Variants in NTM observed in about 807,000 individuals in gnomAD.
The protein encoded by NTM is IgLON family member 2.
In NTM, 13 loss-of-function variants were observed where a neutral mutation model predicts 42.1. The observed-to-expected ratio is 0.31, with a 90% CI of 0.20 to 0.49. The LOEUF (loss-of-function observed/expected upper bound fraction) is 0.49. Among genes scored for constraint, NTM ranks in the 20% least tolerant of loss-of-function variants. The pLI is 0.99. For missense variants in NTM, 373 were observed against 452.8 expected (o/e 0.82, Z 1.60); for synonymous variants, 187 against 179.2 (o/e 1.04, Z -0.35).
At chr11:131,896,327 A>G (rs2052262544) in intron 1 of NTM, among the ~76,000 whole-genome samples, 1 of 152,232 alleles carries the variant, frequency 6.6e-6, no homozygotes, top group African/African-American at 2.4e-5. Flanking sequence ...AAATAAATAG[A>G]AAATGATTGA....
At chr11:131,456,588 T>C (rs756357720) in intron 1 of NTM, among the ~76,000 whole-genome samples, 2 of 152,012 alleles carry the variant, frequency 1.3e-5, no homozygotes, top group Non-Finnish European at 2.9e-5. Flanking sequence ...AAGAGGGGGT[T>C]CAGCTCAGCT....
intron 1 of NTM, among the ~76,000 whole-genome samples, chr11:131,818,702 G>A (rs752022020): frequency 2.0e-5 from 3 of 152,038 alleles, no homozygotes; most frequent in South Asian, 2.1e-4. Context: ...AGGCCTTATC[G>A]GTGGCTGGAG....
intron 1 of NTM, among the ~76,000 whole-genome samples, chr11:131,833,036 G>C (rs1306946813): frequency 6.6e-6 from 1 of 152,110 alleles, no homozygotes; most frequent in East Asian, 1.9e-4. Flanking sequence ...ATAAAATAAA[G>C]TTTTTCTCTA....
At chr11:131,827,430 G>A (rs112766091) in intron 1 of NTM, among the ~76,000 whole-genome samples, 2 of 152,192 alleles carry the variant, frequency 1.3e-5, no homozygotes, top group African/African-American at 2.4e-5. Flanking sequence ...GTGGCTGACT[G>A]TTATGGAGAA....
In NTM at chr11:132,335,254, A is replaced by G; in HGVS notation, c.*108A>G. 1 of 1,204,038 alleles carries G rather than the reference A, an allele frequency of 8.3e-7. No individual in the cohort carries two copies. Among genetic ancestry groups the G allele is most frequent in the Non-Finnish European group, 1.1e-6 (1 of 871,884 alleles). 74.6% of individuals were successfully genotyped at this position (1,204,038 alleles called of 1,614,324 possible). A position where few individuals can be genotyped will look rare whatever the true frequency, so the allele number is the denominator to read the frequency against. On this transcript the variant is annotated 3_prime_UTR_variant, in exon 9 of 9. Transcript: ENST00000683400. ...CAATCAGATATATACAAATGAAATT[A>G]GAAGAAACACAGCCTCATGGGACAG...
chr11:131,644,474 G>T (rs192586060), intron 1 of NTM, among the ~76,000 whole-genome samples: 280 of 152,234 alleles, frequency 1.8e-3, no homozygotes, highest in African/African-American at 6.3e-3. Flanking sequence ...CCAGCAAACC[G>T]TACCAACGAA....
chr11:131,399,280 A>G (rs748226600), intron 1 of NTM, among the ~76,000 whole-genome samples: 3 of 152,202 alleles, frequency 2.0e-5, no homozygotes, highest in Non-Finnish European at 4.4e-5. Context: ...TTACAGGGAT[A>G]GCAAGCATGG....
chr11:132,203,991 G>C (rs138438943), intron 3 of NTM, among the ~76,000 whole-genome samples: 1 of 152,062 alleles, frequency 6.6e-6, no homozygotes, highest in Non-Finnish European at 1.5e-5. Context: ...TCTGAGTATC[G>C]GTATCCTCAT....
At chr11:132,268,934 G>C (rs2044726) in intron 4 of NTM, among the ~76,000 whole-genome samples, 2 of 151,672 alleles carry the variant, frequency 1.3e-5, no homozygotes, top group African/African-American at 2.4e-5. Flanking sequence ...ACCCAGACAT[G>C]GTCAGTCATG....
chr11:131,410,530 A>C (rs1268227693), intron 1 of NTM, among the ~76,000 whole-genome samples: 1 of 148,708 alleles, frequency 6.7e-6, no homozygotes, highest in Non-Finnish European at 1.5e-5. Context: ...AAAAAAAAAA[A>C]AAAAAAAAAA....
At chr11:132,156,582 C>T (rs569911325) in intron 3 of NTM, among the ~76,000 whole-genome samples, 1 of 152,344 alleles carries the variant, frequency 6.6e-6, no homozygotes, top group South Asian at 2.1e-4. Context: ...CTTGTGCATT[C>T]TATCCCCAGT....
chr11:131,418,967 G>T (rs1241511680), intron 1 of NTM, among the ~76,000 whole-genome samples: 1 of 152,066 alleles, frequency 6.6e-6, no homozygotes, highest in Non-Finnish European at 1.5e-5. Flanking sequence ...AATCACCAAG[G>T]TACGCACTTA....
intron 1 of NTM, among the ~76,000 whole-genome samples, chr11:131,666,465 C>T (rs144707309): frequency 7.9e-4 from 120 of 152,250 alleles, no homozygotes; most frequent in Non-Finnish European, 1.2e-3. Flanking sequence ...CAAGGCGTTG[C>T]GAGGGCAGGA....
At chr11:131,878,707 C>G (rs967859295) in intron 1 of NTM, among the ~76,000 whole-genome samples, 2 of 146,782 alleles carry the variant, frequency 1.4e-5, no homozygotes, top group African/African-American at 5.1e-5. Flanking sequence ...TGCACTACCT[C>G]TCTGTCATAG....
intron 1 of NTM, among the ~76,000 whole-genome samples, chr11:131,507,295 A>G (rs2047604651): frequency 6.6e-6 from 1 of 151,772 alleles, no homozygotes; most frequent in Non-Finnish European, 1.5e-5. Flanking sequence ...TTTTCCCAGC[A>G]CCATTTATTA....
At chr11:132,132,219 G>A (rs951010548) in intron 2 of NTM, among the ~76,000 whole-genome samples, 1 of 152,114 alleles carries the variant, frequency 6.6e-6, no homozygotes, top group Non-Finnish European at 1.5e-5. Flanking sequence ...ACCAGGGTGG[G>A]AACTACAGCA....
chr11:131,629,343 C>T (rs554503922), intron 1 of NTM, among the ~76,000 whole-genome samples: 1 of 152,120 alleles, frequency 6.6e-6, no homozygotes, highest in East Asian at 1.9e-4. Context: ...TGGAGTCAGG[C>T]TTTGACCTGA....
intron 1 of NTM, among the ~76,000 whole-genome samples, chr11:131,749,607 G>C (rs1226567584): frequency 1.3e-5 from 2 of 152,016 alleles, no homozygotes. Context: ...GTTTTCTTTT[G>C]TTTTGTTTGA....
intron 4 of NTM, among the ~76,000 whole-genome samples, chr11:132,263,443 G>A (rs919122893): frequency 2.0e-5 from 3 of 152,144 alleles, no homozygotes; most frequent in African/African-American, 7.2e-5. Context: ...CTCCTGCTAG[G>A]TCAGCTGATT....
Sources: gnomAD v4.1 joint callset for allele counts (sites outside exome capture counted in the v4.1 genomes callset) on GRCh38, gnomAD v4.1.1 for gene constraint, MANE v1.5 for transcripts, NCBI Gene and HGNC (gene_info 2026-07-23, HGNC 2026-07-21) for gene names.